The following NRXN1 variants were observed in gnomAD, a reference collection of about 807,000 sequenced individuals.
The protein encoded by NRXN1 is neurexin 1.
In NRXN1, 39 loss-of-function variants were observed where a neutral mutation model predicts 150.9. The ratio of observed to expected loss-of-function variants is 0.26; its 90% CI spans 0.20 to 0.34. The LOEUF is 0.34. Ranked by LOEUF, NRXN1 falls within the 10% of genes least tolerant of loss-of-function variation. The pLI is 1.00. For missense variants in NRXN1, 1,815 were observed against 1,949.9 expected (o/e 0.93, Z 1.30); for synonymous variants, 924 against 757.0 (o/e 1.22, Z -3.62).
At chr2:50,559,481 A>G (rs1462624754) in intron 8 of NRXN1, among the ~76,000 whole-genome samples, 3 of 152,250 alleles carry the variant, frequency 2.0e-5, no homozygotes, top group African/African-American at 4.8e-5. Context: ...TTCCCTGTGC[A>G]TATGCCTAGT....
intron 2 of NRXN1, among the ~76,000 whole-genome samples, chr2:51,014,864 G>C (rs1215663971): frequency 1.3e-5 from 2 of 152,068 alleles, no homozygotes; most frequent in African/African-American, 4.8e-5. Flanking sequence ...CACTGTGAGA[G>C]CCATTTAAGA....
chr2:50,068,059 T>C (rs998353648), intron 19 of NRXN1, among the ~76,000 whole-genome samples: 4 of 152,202 alleles, frequency 2.6e-5, no homozygotes, highest in African/African-American at 9.6e-5. Flanking sequence ...TAAATGGAAC[T>C]GCGAAAGTTC....
In NRXN1 at chr2:50,604,338, A is replaced by ATT. The variant is rs1206953279; in HGVS notation, c.1320+15683_1320+15684insAA. Among the ~76,000 whole-genome samples the ATT allele has an allele frequency of 2.0e-5, 3 of 152,334 alleles. No homozygotes were observed. In the East Asian group the frequency reaches 5.8e-4, roughly 29 times the overall value. ...AAGGGGGACATGAAGCTGCAGTTTA[A>ATT]TAAGCTCTCAGATGATGCTTATGCA... On this transcript the variant is annotated intron_variant, in intron 8 of 22. Coordinates refer to ENST00000401669, the MANE Select transcript of NRXN1 (RefSeq NM_001330078.2).
intron 5 of NRXN1, among the ~76,000 whole-genome samples, chr2:50,806,518 T>G (rs1037954834): frequency 2.3e-4 from 35 of 152,164 alleles, no homozygotes; most frequent in African/African-American, 7.0e-4. Context: ...TTTCTATGCT[T>G]AAGGAGTATA....
At chr2:50,378,848 T>G (rs969469136) in intron 17 of NRXN1, among the ~76,000 whole-genome samples, 2 of 152,086 alleles carry the variant, frequency 1.3e-5, no homozygotes, top group Non-Finnish European at 2.9e-5. Flanking sequence ...CTAGACTAAG[T>G]TATGTTCAGA....
chr2:50,288,034 T>C (rs2072419255), intron 17 of NRXN1, among the ~76,000 whole-genome samples: 1 of 152,122 alleles, frequency 6.6e-6, no homozygotes, highest in Admixed American at 6.6e-5. Context: ...GTATTATTGA[T>C]GCACAACCTA....
intron 2 of NRXN1, among the ~76,000 whole-genome samples, chr2:51,017,653 A>G (rs1668935252): frequency 6.6e-6 from 1 of 151,322 alleles, no homozygotes; most frequent in Admixed American, 6.6e-5. Context: ...AGTTGGCAGA[A>G]CTTTTTAAAT....
chr2:50,094,062 G>A (rs1416948457), intron 18 of NRXN1, among the ~76,000 whole-genome samples: 1 of 152,190 alleles, frequency 6.6e-6, no homozygotes, highest in Non-Finnish European at 1.5e-5. Flanking sequence ...TAGTAGACAT[G>A]TATCAATCAA....
chr2:50,355,633 C>T (rs1293225485), intron 17 of NRXN1, among the ~76,000 whole-genome samples: 1 of 152,088 alleles, frequency 6.6e-6, no homozygotes, highest in Admixed American at 6.6e-5. Flanking sequence ...TCCTTCGTCT[C>T]TTAGTATTGC....
intron 5 of NRXN1, among the ~76,000 whole-genome samples, chr2:50,738,920 T>C (rs1699093608): frequency 6.6e-6 from 1 of 152,112 alleles, no homozygotes; most frequent in Admixed American, 6.6e-5. Flanking sequence ...GCAATTAGAA[T>C]TGTCACCAGA....
chr2:50,921,132 A>G (rs775851388), intron 5 of NRXN1, among the ~76,000 whole-genome samples: 1 of 151,826 alleles, frequency 6.6e-6, no homozygotes, highest in Non-Finnish European at 1.5e-5. Flanking sequence ...AGACTATTCT[A>G]TATGTTTGCC....
intron 18 of NRXN1, among the ~76,000 whole-genome samples, chr2:50,107,870 C>G (rs1013932381): frequency 6.6e-6 from 1 of 151,850 alleles, no homozygotes; most frequent in African/African-American, 2.4e-5. Flanking sequence ...GGTCACAAAA[C>G]AAGTGTTTGC....
intron 8 of NRXN1, among the ~76,000 whole-genome samples, chr2:50,575,512 G>C (rs1251877140): frequency 6.6e-6 from 1 of 152,140 alleles, no homozygotes; most frequent in Non-Finnish European, 1.5e-5. Flanking sequence ...GACAGGCTCT[G>C]TATTGCTATA....
chr2:50,145,093 A>G (rs1326796317), intron 18 of NRXN1, among the ~76,000 whole-genome samples: 2 of 151,742 alleles, frequency 1.3e-5, no homozygotes, highest in Non-Finnish European at 2.9e-5. Context: ...AGAAAATAGT[A>G]TAAAAGCATA....
chr2:50,489,413 G>A (rs1381983312), intron 15 of NRXN1, among the ~76,000 whole-genome samples: 2 of 152,104 alleles, frequency 1.3e-5, no homozygotes, highest in Non-Finnish European at 2.9e-5. Context: ...CCACACAAAG[G>A]TGCAGATTTC....
rs556396176 is a variant in NRXN1 at position 49,950,636 on chromosome 2, A to C, written c.4129-6845T>G. Among the ~76,000 whole-genome samples, 245 of 152,032 alleles carry C rather than the reference A, an allele frequency of 1.6e-3. 1 individual carries two copies. The highest frequency in any genetic ancestry group is 3.1e-3 in the Non-Finnish European group (208 of 67,900). On this transcript the variant is annotated intron_variant, in intron 21 of 22. Coordinates refer to ENST00000401669, the MANE Select transcript of NRXN1 (RefSeq NM_001330078.2). ...ATACAAATAACAATGAAGTAAATTC[A>C]AATAGCTTATTTTTCTCGGAATGTA...
intron 5 of NRXN1, among the ~76,000 whole-genome samples, chr2:50,828,281 C>T (rs1342328966): frequency 1.4e-5 from 2 of 139,320 alleles, no homozygotes; most frequent in African/African-American, 2.7e-5. Context: ...GCTGACCCCC[C>T]CCACCTCCCT....
chr2:50,956,443 A>C (rs1692295904), intron 2 of NRXN1, among the ~76,000 whole-genome samples: 1 of 152,108 alleles, frequency 6.6e-6, no homozygotes, highest in Non-Finnish European at 1.5e-5. Context: ...GCTTAAAACA[A>C]ATACACTTTA....
intron 10 of NRXN1, among the ~76,000 whole-genome samples, chr2:50,534,625 G>T (rs2105232305): frequency 6.6e-6 from 1 of 152,192 alleles, no homozygotes; most frequent in East Asian, 1.9e-4. Flanking sequence ...AGACAATCAT[G>T]ACCCATATCT....
Sources: gnomAD v4.1 joint callset for allele counts (sites outside exome capture counted in the v4.1 genomes callset) on GRCh38, gnomAD v4.1.1 for gene constraint, MANE v1.5 for transcripts, NCBI Gene and HGNC (gene_info 2026-07-23, HGNC 2026-07-21) for gene names.